Variants in FAM227B observed in about 807,000 individuals in gnomAD.
The protein encoded by FAM227B is protein FAM227B.
Under a neutral mutation model 73.8 loss-of-function variants are expected in FAM227B, and 88 were observed. The ratio of observed to expected loss-of-function variants is 1.19; its 90% CI spans 1.00 to 1.42. The LOEUF (loss-of-function observed/expected upper bound fraction) is 1.42. FAM227B is among the 40% of genes most tolerant of loss of function. The pLI is 0.00. For synonymous variants in FAM227B, 210 were observed against 190.5 expected, an observed-to-expected ratio of 1.10 and a Z score of -0.84; for missense variants, 632 against 590.9, an observed-to-expected ratio of 1.07 and a Z score of -0.72.
chr15:49,612,346 G>A (rs567956323), intron 2 of FAM227B, among the ~76,000 whole-genome samples: 5 of 151,974 alleles, frequency 3.3e-5, no homozygotes, highest in Non-Finnish European at 7.4e-5. Context: ...TGCGGTGTTT[G>A]TTTTTTGTCC....
chr15:49,372,681 G>A (rs2045922873), intron 11 of FAM227B, among the ~76,000 whole-genome samples: 1 of 152,162 alleles, frequency 6.6e-6, no homozygotes, highest in African/African-American at 2.4e-5. Flanking sequence ...CAGCCTAAAA[G>A]CAGAAGCTAG....
chr15:49,513,123 A>C (rs2059134798), intron 10 of FAM227B, among the ~76,000 whole-genome samples: 1 of 152,182 alleles, frequency 6.6e-6, no homozygotes, highest in Non-Finnish European at 1.5e-5. Flanking sequence ...TATATCTAGC[A>C]ATGGAATTGC....
chr15:49,360,489 TAA>T (rs572395413), intron 13 of FAM227B, among the ~76,000 whole-genome samples: 1 of 152,180 alleles, frequency 6.6e-6, no homozygotes, highest in Admixed American at 6.5e-5. Context: ...TTTTGCATGT[TAA>T]AAAAATTATT....
At chr15:49,511,641 T>C (rs972923183) in intron 10 of FAM227B, among the ~76,000 whole-genome samples, 4 of 152,086 alleles carry the variant, frequency 2.6e-5, no homozygotes, top group Admixed American at 2.6e-4. Flanking sequence ...CTAGTGTGTG[T>C]TGTTCCCCTG....
chr15:49,591,012 CTCTT>C (rs138517098), intron 3 of FAM227B, among the ~76,000 whole-genome samples: 16,372 of 138,250 alleles, frequency 0.12, 1,201 homozygotes, highest in East Asian at 0.35. Context: ...TCTTTTCTTT[CTCTT>C]TCTCTTTTTT....
At chr15:49,472,121 A>G (rs1696210132) in intron 11 of FAM227B, among the ~76,000 whole-genome samples, 1 of 152,230 alleles carries the variant, frequency 6.6e-6, no homozygotes, top group Non-Finnish European at 1.5e-5. Flanking sequence ...AACTGAAAAA[A>G]TAGGCTCCTG....
chr15:49,462,975 TATC>T (rs2151935782), intron 11 of FAM227B, among the ~76,000 whole-genome samples: 1 of 152,392 alleles, frequency 6.6e-6, no homozygotes, highest in Non-Finnish European at 1.5e-5. Flanking sequence ...ATTCTCTAAA[TATC>T]AACAATACTT....
At position 49,499,728 on chromosome 15, in the gene FAM227B, T is replaced by C. The variant is rs555121400; in HGVS notation, c.1012+8483A>G. Among the ~76,000 whole-genome samples the C allele has an allele frequency of 6.6e-5, 10 of 152,288 alleles. 1 individual carries two copies. In the South Asian group the frequency reaches 1.5e-3, roughly 22 times the overall value. On this transcript the variant is annotated intron_variant, in intron 11 of 15. Coordinates refer to ENST00000299338, the MANE Select transcript of FAM227B (RefSeq NM_152647.3). The stretch of plus-strand genomic sequence containing the variant: ...TACAGAGAACAGACATAAACCAATA[T>C]GTATGGTCAATTGATTTCCAAGATA...
intron 12 of FAM227B, among the ~76,000 whole-genome samples, chr15:49,368,311 T>C (rs898611921): frequency 4.6e-5 from 7 of 152,192 alleles, no homozygotes; most frequent in Non-Finnish European, 7.4e-5. Flanking sequence ...TTTTAAGTTT[T>C]CCTCAATCTT....
chr15:49,406,545 G>A lies in FAM227B; in HGVS notation c.1013-35146C>T, dbSNP rs555002232. Among the ~76,000 whole-genome samples, 20 of 152,094 alleles carry A rather than the reference G, an allele frequency of 1.3e-4. No homozygotes were observed. In the South Asian group the frequency reaches 4.0e-3, roughly 30 times the overall value. Reference sequence around the variant, plus strand: ...CTCCATGCTTAGCTTCACTCCCACAGCAGCAGCTTTGGCGGGAGGGTGGGG... The same window carrying A: ...CTCCATGCTTAGCTTCACTCCCACAACAGCAGCTTTGGCGGGAGGGTGGGG... On this transcript the variant is annotated intron_variant, in intron 11 of 15. Coordinates refer to ENST00000299338, the MANE Select transcript of FAM227B (RefSeq NM_152647.3).
chr15:49,413,415 C>T (rs748027731), intron 11 of FAM227B, among the ~76,000 whole-genome samples: 3 of 152,020 alleles, frequency 2.0e-5, no homozygotes, highest in Non-Finnish European at 2.9e-5. Flanking sequence ...AACTGTGGGT[C>T]GATTAAACGT....
At chr15:49,587,963 T>C (rs2076272136) in intron 5 of FAM227B, 53 bp downstream of exon 5, 4 of 1,344,756 alleles carry the variant, frequency 3.0e-6, no homozygotes, top group South Asian at 3.7e-5. Context: ...GTAGTGTTTA[T>C]ATTTTCTGTG....
chr15:49,410,195 A>C (rs941784713), intron 11 of FAM227B, among the ~76,000 whole-genome samples: 10 of 152,124 alleles, frequency 6.6e-5, no homozygotes, highest in African/African-American at 2.2e-4. Flanking sequence ...TTTGTCCTCT[A>C]TTATTCTTGT....
chr15:49,339,788 T>G (rs968842033), intron 13 of FAM227B, among the ~76,000 whole-genome samples: 1 of 152,226 alleles, frequency 6.6e-6, no homozygotes, highest in African/African-American at 2.4e-5. Context: ...AGTCCCTGAT[T>G]GGGGCTGGTG....
intron 10 of FAM227B, among the ~76,000 whole-genome samples, chr15:49,509,893 A>G (rs1247464642): frequency 1.3e-5 from 2 of 152,148 alleles, no homozygotes; most frequent in African/African-American, 4.8e-5. Context: ...ACTTACATAT[A>G]TTCTAATTTT....
chr15:49,477,596 T>C (rs1434472576), intron 11 of FAM227B, among the ~76,000 whole-genome samples: 2 of 152,202 alleles, frequency 1.3e-5, no homozygotes, highest in East Asian at 3.8e-4. Flanking sequence ...GATATGTGGG[T>C]TGCGTCTGGT....
At chr15:49,425,766 T>C (rs1012117693) in intron 11 of FAM227B, among the ~76,000 whole-genome samples, 2 of 151,836 alleles carry the variant, frequency 1.3e-5, no homozygotes, top group African/African-American at 4.8e-5. Context: ...TGATATAGAA[T>C]GTTAAGGCCA....
chr15:49,559,805 C>T (rs533528005), intron 9 of FAM227B, among the ~76,000 whole-genome samples: 110 of 152,054 alleles, frequency 7.2e-4, no homozygotes, highest in African/African-American at 2.6e-3. Flanking sequence ...CGTGGTGGCA[C>T]GTGCCTGTAA....
At chr15:49,528,314 G>T (rs538876955) in intron 10 of FAM227B, among the ~76,000 whole-genome samples, 1 of 151,824 alleles carries the variant, frequency 6.6e-6, no homozygotes, top group East Asian at 1.9e-4. Context: ...AACGAAACTG[G>T]ACCCCTATCT....
Sources: allele counts gnomAD v4.1 joint callset (sites outside exome capture counted in the v4.1 genomes callset), GRCh38; gene constraint gnomAD v4.1.1; transcripts MANE v1.5; gene names NCBI Gene and HGNC (gene_info 2026-07-23, HGNC 2026-07-21).